Variants in FTO observed in about 807,000 individuals in gnomAD.
FTO encodes FTO alpha-ketoglutarate dependent dioxygenase.
A neutral mutation model predicts 63.9 loss-of-function variants in FTO; 47 were observed. The ratio of observed to expected loss-of-function variants is 0.74; its 90% CI spans 0.58 to 0.94. The LOEUF is 0.94. Ranked by LOEUF, FTO falls within the 40% of genes least tolerant of loss-of-function variation. FTO has a pLI of 0.00. For synonymous variants in FTO, 207 were observed against 224.4 expected, an observed-to-expected ratio of 0.92 and a Z score of 0.69; for missense variants, 562 against 618.1, an observed-to-expected ratio of 0.91 and a Z score of 0.96.
At position 54,064,246 on chromosome 16, in the gene FTO, A is replaced by G. The variant is rs536125310; in HGVS notation, c.1365-47516A>G. ...ATATATTTAAACATTTATTCTTTCT[A>G]TGTAGGCAAGCCCTTGCAACCAGAT... On this transcript the variant is annotated intron_variant, in intron 8 of 8. Coordinates refer to ENST00000471389, the MANE Select transcript of FTO (RefSeq NM_001080432.3). Among the ~76,000 whole-genome samples the G allele has an allele frequency of 9.4e-4, 143 of 152,246 alleles. 1 individual carries two copies. The highest frequency in any genetic ancestry group is 3.3e-3 in the African/African-American group (138 of 41,552).
At chr16:53,764,049 G>A (rs1291054386) in intron 1 of FTO, 1 of 152,132 alleles carries the variant, frequency 6.6e-6, no homozygotes, top group African/African-American at 2.4e-5. Context: ...TCTCAAAATG[G>A]GGCTCATGAT....
At chr16:53,907,150 G>A (rs901364039) in intron 7 of FTO, among the ~76,000 whole-genome samples, 4 of 152,144 alleles carry the variant, frequency 2.6e-5, no homozygotes, top group African/African-American at 4.8e-5. Context: ...CTCAACTTAC[G>A]ATGGGTCTGT....
At chr16:53,956,561 T>A (rs1286159265) in intron 8 of FTO, 1 of 152,002 alleles carries the variant, frequency 6.6e-6, no homozygotes, top group Admixed American at 6.6e-5. Context: ...ACTATTGCAA[T>A]TAGAACACAT....
At chr16:53,840,052 C>T (rs2079429103) in intron 3 of FTO, among the ~76,000 whole-genome samples, 1 of 152,068 alleles carries the variant, frequency 6.6e-6, no homozygotes, top group Admixed American at 6.5e-5. Flanking sequence ...ATCCACCCAC[C>T]TCAGCCTCCC....
At chr16:53,925,266 A>G (rs1254080154) in intron 7 of FTO, among the ~76,000 whole-genome samples, 1 of 152,064 alleles carries the variant, frequency 6.6e-6, no homozygotes, top group Non-Finnish European at 1.5e-5. Flanking sequence ...TATCTTTGTA[A>G]TTTGTGTGTG....
At chr16:53,914,998 C>T (rs1279522049) in intron 7 of FTO, among the ~76,000 whole-genome samples, 1 of 152,124 alleles carries the variant, frequency 6.6e-6, no homozygotes, top group African/African-American at 2.4e-5. Flanking sequence ...GGGCCCCAAG[C>T]GTTCACCAAG....
At chr16:53,983,605 A>AAC (rs61573789) in intron 8 of FTO, among the ~76,000 whole-genome samples, 58,926 of 150,694 alleles carry the variant, frequency 0.39, 12,325 homozygotes, top group East Asian at 0.72. Flanking sequence ...CGAATTCACA[A>AAC]ACACACACAC....
intron 1 of FTO, among the ~76,000 whole-genome samples, chr16:53,776,618 C>CT (rs1277446153): frequency 7.2e-5 from 11 of 152,068 alleles, no homozygotes; most frequent in African/African-American, 2.2e-4. Flanking sequence ...TTAAAAATAG[C>CT]AAAACCCCTT....
At chr16:54,062,067 C>A (rs1285904352) in intron 8 of FTO, among the ~76,000 whole-genome samples, 1 of 152,148 alleles carries the variant, frequency 6.6e-6, no homozygotes, top group Non-Finnish European at 1.5e-5. Flanking sequence ...ACAGGCATCA[C>A]GTTGCTGTCA....
intron 1 of FTO, among the ~76,000 whole-genome samples, chr16:53,744,538 C>A (rs539683644): frequency 6.6e-6 from 1 of 152,286 alleles, no homozygotes; most frequent in South Asian, 2.1e-4. Context: ...GGCACTTACT[C>A]TGGGAAGTCA....
chr16:53,911,712 C>G (rs558731213), intron 7 of FTO, among the ~76,000 whole-genome samples: 2 of 152,354 alleles, frequency 1.3e-5, no homozygotes, highest in African/African-American at 4.8e-5. Context: ...TGCCTGGTAG[C>G]TGACTAAATA....
intron 1 of FTO, among the ~76,000 whole-genome samples, chr16:53,733,768 CTA>C (rs930887554): frequency 6.6e-6 from 1 of 152,134 alleles, no homozygotes; most frequent in Non-Finnish European, 1.5e-5. Flanking sequence ...TGTCTCATGT[CTA>C]CCATGGCAAC....
intron 1 of FTO, among the ~76,000 whole-genome samples, chr16:53,798,226 A>T (rs2078128000): frequency 6.6e-6 from 1 of 152,136 alleles, no homozygotes; most frequent in South Asian, 2.1e-4. Context: ...TAAGTCTTGA[A>T]GTTAGGTAGT....
chr16:53,868,566 A>G (rs1242747050), intron 4 of FTO, among the ~76,000 whole-genome samples: 1 of 152,066 alleles, frequency 6.6e-6, no homozygotes, highest in Non-Finnish European at 1.5e-5. Context: ...ACATATATAT[A>G]TATGTGGCAT....
At chr16:54,028,120 A>C (rs2084754860) in intron 8 of FTO, among the ~76,000 whole-genome samples, 1 of 152,160 alleles carries the variant, frequency 6.6e-6, no homozygotes. Context: ...ATTCAATAGG[A>C]TTACTAATCA....
chr16:53,779,018 C>T (rs1049751870), intron 1 of FTO, among the ~76,000 whole-genome samples: 1 of 152,128 alleles, frequency 6.6e-6, no homozygotes, highest in Non-Finnish European at 1.5e-5. Context: ...TTTTGAGCAA[C>T]ATGCGAAAAT....
chr16:53,826,538 C>T, intron 3 of FTO, 47 bp downstream of exon 3: 1 of 1,593,178 alleles, frequency 6.3e-7, no homozygotes, highest in Non-Finnish European at 8.6e-7. Flanking sequence ...AATAATATGA[C>T]CCGAGTTGTT....
At chr16:53,824,622 C>T (rs915949301) in intron 2 of FTO, among the ~76,000 whole-genome samples, 22 of 150,984 alleles carry the variant, frequency 1.5e-4, no homozygotes, top group African/African-American at 5.1e-4. Flanking sequence ...AAAAAAAAAA[C>T]GTTTGGAAGA....
intron 3 of FTO, among the ~76,000 whole-genome samples, chr16:53,834,184 C>G (rs995619738): frequency 1.8e-4 from 28 of 152,078 alleles, no homozygotes; most frequent in African/African-American, 6.5e-4. Flanking sequence ...ACCACCACAC[C>G]CGGCAAATTT....
Sources: gnomAD v4.1 joint callset for allele counts (sites outside exome capture counted in the v4.1 genomes callset) on GRCh38, gnomAD v4.1.1 for gene constraint, MANE v1.5 for transcripts, NCBI Gene and HGNC (gene_info 2026-07-23, HGNC 2026-07-21) for gene names.